The following PROSER2 variants were observed in gnomAD, a reference collection of about 807,000 sequenced individuals.
PROSER2 encodes the protein proline and serine-rich protein 2.
In PROSER2, 18 loss-of-function variants were observed where a neutral mutation model predicts 14.6. The observed-to-expected ratio is 1.23, with a 90% CI of 0.85 to 1.83. The LOEUF (loss-of-function observed/expected upper bound fraction) is 1.83. Ranked by LOEUF, PROSER2 falls within the 40% of genes most tolerant of loss-of-function variation. The probability of loss-of-function intolerance (pLI) is 0.00; values close to 1 mark genes in which losing one functional copy is unlikely to be tolerated. For missense variants in PROSER2, 823 were observed against 629.8 expected (o/e 1.31, Z -3.28); for synonymous variants, 367 against 286.4 (o/e 1.28, Z -2.84).
Position 11,834,285 on chromosome 10 carries a change from G to A in PROSER2, c.-82+10815G>A, listed in dbSNP as rs113143230. On this transcript the variant is annotated intron_variant, in intron 1 of 3. Transcript: ENST00000277570. Reference sequence around the variant, plus strand: ...TGGGATTACAGGCGTGAGCCACCGCGCCTGGCCATGAGTAGCACTTTCATA... The same window carrying A: ...TGGGATTACAGGCGTGAGCCACCGCACCTGGCCATGAGTAGCACTTTCATA... Among the ~76,000 whole-genome samples, 13 of 151,286 alleles carry A rather than the reference G, an allele frequency of 8.6e-5. 3 individuals carry two copies. The highest frequency in any genetic ancestry group is 2.7e-4 in the African/African-American group (11 of 41,340).
chr10:11,866,412 C>G lies in PROSER2; in HGVS notation c.139-119C>G. 8.2e-7 allele frequency: 1 copy of G among 1,219,450 alleles called. No individual in the cohort carries two copies. Among genetic ancestry groups the G allele is most frequent in the Non-Finnish European group, 1.2e-6 (1 of 858,970 alleles). 75.5% of individuals were successfully genotyped at this position (1,219,450 alleles called of 1,614,324 possible). ...CAGGCACTGTGTGGCAGGGTACTCT[C>G]GGGACACAGTGAGTTCCGCCCTGGG... On this transcript the variant is annotated intron_variant, in intron 2 of 3. Transcript: ENST00000277570. The surrounding 1 kb of genome is among the most constrained non-coding windows in gnomAD (Gnocchi z 6.0).
rs867466344 is a variant in PROSER2, at chr10:11,869,437, G to A, written c.392-53G>A. 1 of 1,344,756 alleles carries A rather than the reference G, an allele frequency of 7.4e-7. No individual in the cohort carries two copies. The highest frequency in any genetic ancestry group is 1.4e-5 in the African/African-American group (1 of 69,660). The allele number at this position is 1,344,756 out of a possible 1,614,324, so 83.3% of individuals were successfully genotyped here. A position where few individuals can be genotyped will look rare whatever the true frequency, so the allele number is the denominator to read the frequency against. ...TCAGTTCAGCGAGAGGGAACTTCAT[G>A]CATTTACTTTCACGTGGGCCGGTGG... On this transcript the variant is annotated intron_variant, in intron 3 of 3. Coordinates refer to ENST00000277570, the MANE Select transcript of PROSER2 (RefSeq NM_153256.4). The surrounding 1 kb of genome is among the most constrained non-coding windows in gnomAD (Gnocchi z 4.4).
rs570259088 is a variant in PROSER2, at chr10:11,824,417, C to T, written c.-82+947C>T. On this transcript the variant is annotated intron_variant, in intron 1 of 3. Coordinates refer to ENST00000277570, the MANE Select transcript of PROSER2 (RefSeq NM_153256.4). Reference sequence around the variant, plus strand: ...TGAGGGAAATACTCATAGGAGAAAACTTTATTAAAAATACTTTTTACATTA... The same window carrying T: ...TGAGGGAAATACTCATAGGAGAAAATTTTATTAAAAATACTTTTTACATTA... Among the ~76,000 whole-genome samples, 66 of 152,326 alleles carry T rather than the reference C, an allele frequency of 4.3e-4. No homozygotes were observed. In the South Asian group the frequency reaches 0.013, roughly 29 times the overall value.
chr10:11,837,037 A>T lies in PROSER2; in HGVS notation c.-82+13567A>T, dbSNP rs1015817203. 6.6e-6 allele frequency among the ~76,000 whole-genome samples: 1 copy of T among 152,138 alleles called. No homozygotes were observed. Among genetic ancestry groups the T allele is most frequent in the South Asian group, 2.1e-4 (1 of 4,822 alleles). On this transcript the variant is annotated intron_variant, in intron 1 of 3. Transcript: ENST00000277570. The surrounding 1 kb of genome is among the most constrained non-coding windows in gnomAD (Gnocchi z 4.6). ...CCACCTGCCCATCACTTAGTAGCCA[A>T]CTCAGTTCTCAGATCAGCTGTCTAT... is the stretch of plus-strand genomic sequence containing the variant.
chr10:11,833,812 T>C (rs1397569461), intron 1 of PROSER2, among the ~76,000 whole-genome samples: 1 of 151,204 alleles, frequency 6.6e-6, no homozygotes, highest in African/African-American at 2.4e-5. Flanking sequence ...GCACATAGAG[T>C]GAGCAAGTGG....
chr10:11,834,646 A>G (rs753706196), intron 1 of PROSER2, among the ~76,000 whole-genome samples: 113 of 152,090 alleles, frequency 7.4e-4, no homozygotes, highest in Non-Finnish European at 1.3e-3. Flanking sequence ...GAGGCAGGAG[A>G]ATCATTTGAA....
chr10:11,858,127 C>T (rs766678261), intron 2 of PROSER2, among the ~76,000 whole-genome samples: 5 of 151,916 alleles, frequency 3.3e-5, no homozygotes, highest in African/African-American at 4.8e-5. Flanking sequence ...TTAGTAGAAA[C>T]GGGGTTTCAC....
At chr10:11,859,101 C>G (rs1834185614) in intron 2 of PROSER2, among the ~76,000 whole-genome samples, 1 of 148,762 alleles carries the variant, frequency 6.7e-6, no homozygotes, top group Non-Finnish European at 1.5e-5. Flanking sequence ...CTGCCATTTA[C>G]TCCACAATCC....
In PROSER2 at chr10:11,836,363, AT is replaced by A. The variant is rs1283398982; in HGVS notation, c.-82+12898del. Among the ~76,000 whole-genome samples, 1 of 151,704 alleles carries A rather than the reference AT, an allele frequency of 6.6e-6. No individual in the cohort carries two copies. Among genetic ancestry groups the A allele is most frequent in the African/African-American group, 2.4e-5 (1 of 41,260 alleles). ...GGGCGCATACCACCACACCCGGCTA[AT>A]TTTTGCATTTTTGGTAGAGATGGGG... On this transcript the variant is annotated intron_variant, in intron 1 of 3. Coordinates refer to ENST00000277570, the MANE Select transcript of PROSER2 (RefSeq NM_153256.4). The surrounding 1 kb of genome is among the most constrained non-coding windows in gnomAD (Gnocchi z 4.6).
In PROSER2 at chr10:11,869,589, T is replaced by C. The variant is rs1834423071; in HGVS notation, c.491T>C (p.Leu164Pro). 1 of 1,600,856 alleles carries C rather than the reference T, an allele frequency of 6.2e-7. No homozygotes were observed. The highest frequency in any genetic ancestry group is 1.4e-5 in the African/African-American group (1 of 72,664). ...APETLLAPPP[L>P]PSTPDPPRRE... ...GAGACCCTTCTTGCGCCACCACCCC[T>C]GCCTAGCACCCCCGATCCCCCCAGG... Residue 164 changes from leucine (L) to proline (P), a missense_variant, in exon 4 of 4, where the codon CTG becomes CCG. Transcript: ENST00000277570. This position sits in a 1 kb window ranked among gnomAD's most constrained non-coding sequence, Gnocchi z 4.4.
chr10:11,847,195 T>G (rs953712820), intron 1 of PROSER2, among the ~76,000 whole-genome samples: 7 of 145,556 alleles, frequency 4.8e-5, no homozygotes, highest in African/African-American at 1.8e-4. Context: ...GAATCCAAAA[T>G]GCTTTTCTTC....
Position 11,847,737 on chromosome 10 carries a change from T to G in PROSER2, c.-81-4260T>G, listed in dbSNP as rs183001668. Among the ~76,000 whole-genome samples, 203 of 152,306 alleles carry G rather than the reference T, an allele frequency of 1.3e-3. 1 individual carries two copies. The highest frequency in any genetic ancestry group is 4.6e-3 in the African/African-American group (191 of 41,560). ...CCCAGCCCTTATTCTGTTTTGAATT[T>G]CTGTGGCTTCTGTTACTTCTCTCAC... On this transcript the variant is annotated intron_variant, in intron 1 of 3. Transcript: ENST00000277570.
At chr10:11,843,278 T>C (rs1355508072) in intron 1 of PROSER2, among the ~76,000 whole-genome samples, 3 of 150,342 alleles carry the variant, frequency 2.0e-5, no homozygotes, top group Non-Finnish European at 4.4e-5. Flanking sequence ...ATAGGCCAGG[T>C]GCAGTGGCAC....
intron 2 of PROSER2, among the ~76,000 whole-genome samples, chr10:11,860,786 A>C (rs1834221272): frequency 6.6e-6 from 1 of 152,090 alleles, no homozygotes; most frequent in African/African-American, 2.4e-5. Flanking sequence ...ATGGGAAACA[A>C]CAGAACAAAA....
chr10:11,870,442 C>G lies in PROSER2; in HGVS notation c.*36C>G. 7.1e-7 allele frequency: 1 copy of G among 1,412,230 alleles called. No homozygotes were observed. The allele number at this position is 1,412,230 out of a possible 1,614,324, so 87.5% of individuals were successfully genotyped here. A position where few individuals can be genotyped will look rare whatever the true frequency, so the allele number is the denominator to read the frequency against. ...GGCTCCAGTCCACCCCGTTTCTCCC[C>G]ACCCTGAAGAGAGGGTGAAAGAGTC... is the stretch of plus-strand genomic sequence containing the variant. On this transcript the variant is annotated 3_prime_UTR_variant, in exon 4 of 4. Coordinates refer to ENST00000277570, the MANE Select transcript of PROSER2 (RefSeq NM_153256.4).
At chr10:11,857,789 C>T (rs1472424673) in intron 2 of PROSER2, among the ~76,000 whole-genome samples, 2 of 151,680 alleles carry the variant, frequency 1.3e-5, no homozygotes, top group East Asian at 1.9e-4. Flanking sequence ...ACCTTTGTCC[C>T]GAAACTGTGC....
At chr10:11,829,197 G>GA (rs1405661553) in intron 1 of PROSER2, among the ~76,000 whole-genome samples, 2 of 151,896 alleles carry the variant, frequency 1.3e-5, no homozygotes, top group Non-Finnish European at 2.9e-5. Context: ...AGACAGAATA[G>GA]AAAAAGGAGG....
intron 1 of PROSER2, among the ~76,000 whole-genome samples, chr10:11,833,509 G>T (rs1000148817): frequency 6.6e-6 from 1 of 151,920 alleles, no homozygotes; most frequent in Non-Finnish European, 1.5e-5. Context: ...TGGCCAACGT[G>T]GTGAAACCCC....
At chr10:11,835,263 G>T (rs922071638) in intron 1 of PROSER2, among the ~76,000 whole-genome samples, 7 of 152,150 alleles carry the variant, frequency 4.6e-5, no homozygotes, top group African/African-American at 1.7e-4. Flanking sequence ...CCTGAAGTTG[G>T]CTCTGTGCAC....
Sources: gnomAD v4.1 joint callset for allele counts (sites outside exome capture counted in the v4.1 genomes callset) on GRCh38, gnomAD v4.1.1 for gene constraint, Gnocchi (gnomAD v3.1) non-coding constraint, MANE v1.5 for transcripts, NCBI Gene and HGNC (gene_info 2026-07-23, HGNC 2026-07-21) for gene names.